Variants in IL2RA observed in about 807,000 individuals in gnomAD.
IL2RA encodes the protein interleukin-2 receptor subunit alpha.
Under a neutral mutation model 37.8 loss-of-function variants are expected in IL2RA, and 24 were observed. That is an observed-to-expected ratio of 0.63 (90% CI 0.46 to 0.89). The LOEUF (loss-of-function observed/expected upper bound fraction) is 0.89. IL2RA is among the 40% of genes least tolerant of loss of function. The pLI is 0.00. For synonymous variants in IL2RA, 125 were observed against 114.6 expected (o/e 1.09, Z -0.58); for missense variants, 319 against 348.6 (o/e 0.92, Z 0.68).
Position 6,057,502 on chromosome 10 carries a change from A to T in IL2RA, c.64+4586T>A, listed in dbSNP as rs752093619. 2.6e-5 allele frequency among the ~76,000 whole-genome samples: 4 copies of T among 152,162 alleles called. No individual in the cohort carries two copies. Among genetic ancestry groups the T allele is most frequent in the Non-Finnish European group, 5.9e-5 (4 of 68,036 alleles). ...TTTCTGGAATCCTTGACATAGAGTG[A>T]AGGAACTGGAAGGGAGTTTCAAGAT... On this transcript the variant is annotated intron_variant, in intron 1 of 7. Coordinates refer to ENST00000379959, the MANE Select transcript of IL2RA (RefSeq NM_000417.3). The surrounding 1 kb of genome is among the most constrained non-coding windows in gnomAD (Gnocchi z 4.8).
At position 6,054,992 on chromosome 10, in the gene IL2RA, C is replaced by G. The variant is rs1013065275; in HGVS notation, c.64+7096G>C. On this transcript the variant is annotated intron_variant, in intron 1 of 7. Transcript: ENST00000379959. This position sits in a 1 kb window ranked among gnomAD's most constrained non-coding sequence, Gnocchi z 4.5. ...TATTACAGGCATGAGCTATCACACT[C>G]AGCCTATTTTCTCATTTCAGTCGCA... Among the ~76,000 whole-genome samples the G allele has an allele frequency of 6.6e-6, 1 of 152,172 alleles. No homozygotes were observed. The highest frequency in any genetic ancestry group is 1.5e-5 in the Non-Finnish European group (1 of 68,046).
intron 1 of IL2RA, among the ~76,000 whole-genome samples, chr10:6,061,341 G>A (rs984065778): frequency 3.3e-5 from 5 of 151,514 alleles, no homozygotes; most frequent in African/African-American, 9.7e-5. Flanking sequence ...AGCCAATATC[G>A]CGCCACTGCA....
intron 1 of IL2RA, among the ~76,000 whole-genome samples, chr10:6,053,076 T>C (rs1218510000): frequency 6.6e-6 from 1 of 152,196 alleles, no homozygotes. Flanking sequence ...GAAGGAGCAG[T>C]GGGCATTACT....
In IL2RA at chr10:6,020,278, C is replaced by G. The variant is rs559299280; in HGVS notation, c.584-337G>C. Among the ~76,000 whole-genome samples, 1 of 152,238 alleles carries G rather than the reference C, an allele frequency of 6.6e-6. No individual in the cohort carries two copies. The highest frequency in any genetic ancestry group is 1.9e-4 in the East Asian group (1 of 5,174). On this transcript the variant is annotated intron_variant, in intron 4 of 7. Coordinates refer to ENST00000379959, the MANE Select transcript of IL2RA (RefSeq NM_000417.3). This position sits in a 1 kb window ranked among gnomAD's most constrained non-coding sequence, Gnocchi z 5.6. ...CATAATAATACGAATGCCATTGAAC[C>G]ACTGGATGGAGCAGAGATGCACTAA... is the stretch of plus-strand genomic sequence containing the variant.
chr10:6,020,033 C>A lies in IL2RA; in HGVS notation c.584-92G>T. On this transcript the variant is annotated intron_variant, in intron 4 of 7. Transcript: ENST00000379959. This position sits in a 1 kb window ranked among gnomAD's most constrained non-coding sequence, Gnocchi z 5.6. The stretch of plus-strand genomic sequence containing the variant: ...CCTGCCCCAGGCAGCCGGCCCCAGA[C>A]ACGCCCGAGGAGGCAGGAATCCTGG... The A allele has an allele frequency of 9.3e-7, 1 of 1,079,806 alleles. No individual in the cohort carries two copies. The highest frequency in any genetic ancestry group is 1.3e-5 in the South Asian group (1 of 79,690). The allele number at this position is 1,079,806 out of a possible 1,614,324, so 66.9% of individuals were successfully genotyped here.
In IL2RA at chr10:6,019,892, A is replaced by G; in HGVS notation, c.633T>C (p.Thr211=). The G allele has an allele frequency of 6.2e-7, 1 of 1,614,108 alleles. No homozygotes were observed. Among genetic ancestry groups the G allele is most frequent in the Non-Finnish European group, 8.5e-7 (1 of 1,179,966 alleles). The change falls in exon 5 of 8, where the codon ACT becomes ACC. Residue 211 remains threonine (T), a synonymous_variant. Coordinates refer to ENST00000379959, the MANE Select transcript of IL2RA (RefSeq NM_000417.3). ...CACCTGTTGTTGTGACGAGGCAGGA[A>G]GTCTCACTCTCAGGACGGCCTTCGG... The part of the protein sequence containing the change: ...ASPEGRPESE[T]SCLVTTTDFQ...
intron 1 of IL2RA, among the ~76,000 whole-genome samples, chr10:6,061,190 A>T (rs1418352051): frequency 6.6e-6 from 1 of 152,162 alleles, no homozygotes; most frequent in Admixed American, 6.5e-5. Context: ...GGAGTTCAAG[A>T]CCAGCTTGGG....
At chr10:6,019,345 A>T in intron 6 of IL2RA, 83 bp downstream of exon 6, 1 of 1,062,756 alleles carries the variant, frequency 9.4e-7, no homozygotes, top group Non-Finnish European at 1.5e-6. Flanking sequence ...CCAGCCAACC[A>T]ACTAACCAAC....
rs1839396272 is a variant in IL2RA at position 6,022,003 on chromosome 10, C to A, written c.368-310G>T. On this transcript the variant is annotated intron_variant, in intron 3 of 7. Transcript: ENST00000379959. The surrounding 1 kb of genome is among the most constrained non-coding windows in gnomAD (Gnocchi z 4.7). The stretch of plus-strand genomic sequence containing the variant: ...AGCGATTCATTCTGGTTGGTGCGGC[C>A]CCGAGACAGGAACGCCACAACTGCC... Among the ~76,000 whole-genome samples the A allele has an allele frequency of 6.6e-6, 1 of 151,930 alleles. No individual in the cohort carries two copies. Among genetic ancestry groups the A allele is most frequent in the Admixed American group, 6.6e-5 (1 of 15,256 alleles).
chr10:6,058,937 G>A lies in IL2RA; in HGVS notation c.64+3151C>T, dbSNP rs994594259. ...CTTGCCATGTTAAATGGTGGCTTTGGAAATTTTCAGAATGAAAATCTGCCC... is the reference window on the plus strand; with the variant it reads ...CTTGCCATGTTAAATGGTGGCTTTGAAAATTTTCAGAATGAAAATCTGCCC... On this transcript the variant is annotated intron_variant, in intron 1 of 7. Coordinates refer to ENST00000379959, the MANE Select transcript of IL2RA (RefSeq NM_000417.3). The surrounding 1 kb of genome is among the most constrained non-coding windows in gnomAD (Gnocchi z 4.2). 6.6e-6 allele frequency among the ~76,000 whole-genome samples: 1 copy of A among 152,196 alleles called. No individual in the cohort carries two copies. Among genetic ancestry groups the A allele is most frequent in the East Asian group, 1.9e-4 (1 of 5,206 alleles).
At chr10:6,016,526 C>CA (rs12722591) in intron 7 of IL2RA, among the ~76,000 whole-genome samples, 2 of 42,834 alleles carry the variant, frequency 4.7e-5, no homozygotes, top group African/African-American at 1.4e-4. Flanking sequence ...GTCTTGGGCT[C>CA]ACCCCAGACA....
rs545002614 is a variant in IL2RA at position 6,035,358 on chromosome 10, C to T, written c.65-9333G>A. 9.2e-4 allele frequency among the ~76,000 whole-genome samples: 140 copies of T among 152,282 alleles called. No individual in the cohort carries two copies. The highest frequency in any genetic ancestry group is 3.4e-3 in the Middle Eastern group (1 of 294). On this transcript the variant is annotated intron_variant, in intron 1 of 7. Transcript: ENST00000379959. The surrounding 1 kb of genome is among the most constrained non-coding windows in gnomAD (Gnocchi z 5.4). ...CAGTAGGCTCTGAGTGGGTGACTGG[C>T]GCCAGGCCAAGTTCTAGGTGGGCTT...
chr10:6,040,877 A>G (rs1839760954), intron 1 of IL2RA, among the ~76,000 whole-genome samples: 1 of 152,236 alleles, frequency 6.6e-6, no homozygotes. Context: ...TAGAACTATT[A>G]AGAGTTTCAT....
At chr10:6,030,876 G>T (rs1839564426) in intron 1 of IL2RA, among the ~76,000 whole-genome samples, 1 of 152,036 alleles carries the variant, frequency 6.6e-6, no homozygotes, top group Non-Finnish European at 1.5e-5. Context: ...TACTGTTTTA[G>T]GTTTTTATAT....
intron 2 of IL2RA, among the ~76,000 whole-genome samples, chr10:6,024,604 T>C (rs2132857564): frequency 6.8e-6 from 1 of 146,964 alleles, no homozygotes; most frequent in African/African-American, 2.4e-5. Flanking sequence ...GTGCATGTCA[T>C]GTATGTTACG....
chr10:6,031,468 A>ATG (rs1839579190), intron 1 of IL2RA, among the ~76,000 whole-genome samples: 3 of 20,898 alleles, frequency 1.4e-4, no homozygotes, highest in African/African-American at 4.9e-4. Context: ...ATATATATAT[A>ATG]TATATATATA....
intron 1 of IL2RA, among the ~76,000 whole-genome samples, chr10:6,051,382 T>C (rs1184822331): frequency 6.6e-6 from 1 of 152,050 alleles, no homozygotes; most frequent in Non-Finnish European, 1.5e-5. Flanking sequence ...AACGAAACTT[T>C]TAGAAATGAT....
chr10:6,015,640 G>C lies in IL2RA; in HGVS notation c.794+2413C>G, dbSNP rs1456736280. ...ATATATTTATGAGGTATGTAGGGAT[G>C]CTTTGATACCTACAAGGTACAGTGA... On this transcript the variant is annotated intron_variant, in intron 7 of 7. Transcript: ENST00000379959. The surrounding 1 kb of genome is among the most constrained non-coding windows in gnomAD (Gnocchi z 4.9). 6.6e-6 allele frequency among the ~76,000 whole-genome samples: 1 copy of C among 152,182 alleles called. No individual in the cohort carries two copies. Among genetic ancestry groups the C allele is most frequent in the Non-Finnish European group, 1.5e-5 (1 of 68,038 alleles).
chr10:6,024,597 C>T (rs780428098), intron 2 of IL2RA, among the ~76,000 whole-genome samples: 1 of 151,542 alleles, frequency 6.6e-6, no homozygotes, highest in Admixed American at 6.7e-5. Flanking sequence ...CGTGTCTGTG[C>T]ATGTCATGTA....
Sources: allele counts gnomAD v4.1 joint callset (sites outside exome capture counted in the v4.1 genomes callset), GRCh38; gene constraint gnomAD v4.1.1; non-coding constraint Gnocchi (gnomAD v3.1); transcripts MANE v1.5; gene names NCBI Gene and HGNC (gene_info 2026-07-23, HGNC 2026-07-21).